Variants in CTNNA2 observed in about 807,000 individuals in gnomAD.
CTNNA2 encodes catenin alpha-2.
Under a neutral mutation model 101.0 loss-of-function variants are expected in CTNNA2, and 42 were observed. The observed-to-expected ratio is 0.42, with a 90% CI of 0.32 to 0.54. The LOEUF (loss-of-function observed/expected upper bound fraction) is 0.54, where lower values mean the gene tolerates loss of function less well. CTNNA2 is among the 20% of genes least tolerant of loss of function. The probability of loss-of-function intolerance (pLI) is 0.14; values close to 1 mark genes in which losing one functional copy is unlikely to be tolerated. For synonymous variants in CTNNA2, 450 were observed against 456.4 expected, an observed-to-expected ratio of 0.99 and a Z score of 0.18; for missense variants, 871 against 1,223.1, an observed-to-expected ratio of 0.71 and a Z score of 4.29.
At chr2:79,736,732 A>C (rs977907094) in intron 2 of CTNNA2, among the ~76,000 whole-genome samples, 7 of 152,168 alleles carry the variant, frequency 4.6e-5, no homozygotes, top group Non-Finnish European at 1.0e-4. Context: ...TAGCTGAGTA[A>C]TCGTGAAGAT....
chr2:80,135,923 C>A (rs945403748), intron 7 of CTNNA2, among the ~76,000 whole-genome samples: 4 of 152,128 alleles, frequency 2.6e-5, no homozygotes, highest in Non-Finnish European at 5.9e-5. Flanking sequence ...AACATACTCA[C>A]TGTCCATGCT....
intron 3 of CTNNA2, among the ~76,000 whole-genome samples, chr2:79,746,538 C>T (rs900194820): frequency 4.6e-5 from 7 of 152,214 alleles, no homozygotes; most frequent in Non-Finnish European, 8.8e-5. Context: ...TTGAGTTGCA[C>T]GTTGCATAAA....
intron 7 of CTNNA2, among the ~76,000 whole-genome samples, chr2:80,126,622 CCCTCCCTCCCTCCCTTCCTTCCTTCCTT>C (rs1702137729): frequency 1.8e-5 from 1 of 54,206 alleles, no homozygotes. Context: ...CTCCCTCCCT[CCCTCCCTCCCTCCCTTCCTTCCTTCCTT>C]CCTTCCTTCC....
intron 16 of CTNNA2, among the ~76,000 whole-genome samples, chr2:80,606,394 ACACACACACACACACACACCCCC>A (rs1698013104): frequency 8.3e-6 from 1 of 119,836 alleles, no homozygotes; most frequent in African/African-American, 3.5e-5. Context: ...ACACACACAC[ACACACACACACACACACACCCCC>A]CAGGATACAT....
At chr2:79,627,997 A>G (rs1387514450) in intron 1 of CTNNA2, among the ~76,000 whole-genome samples, 1 of 152,210 alleles carries the variant, frequency 6.6e-6, no homozygotes, top group African/African-American at 2.4e-5. Flanking sequence ...TTGAATATAT[A>G]TTTTTATAGT....
At chr2:79,506,953 C>A in intron 5 of CTNNA2, among the ~76,000 whole-genome samples, 1 of 152,132 alleles carries the variant, frequency 6.6e-6, no homozygotes, top group East Asian at 1.9e-4. Flanking sequence ...GTATAATAGT[C>A]ATGAATTAGA....
chr2:79,814,273 G>A (rs1677288064), intron 3 of CTNNA2, among the ~76,000 whole-genome samples: 1 of 152,100 alleles, frequency 6.6e-6, no homozygotes, highest in Non-Finnish European at 1.5e-5. Flanking sequence ...GGGTACAGGT[G>A]GTATTTGGTT....
At chr2:80,516,134 T>A (rs936196345) in intron 9 of CTNNA2, among the ~76,000 whole-genome samples, 1 of 152,104 alleles carries the variant, frequency 6.6e-6, no homozygotes, top group Non-Finnish European at 1.5e-5. Context: ...AAGCTTAACA[T>A]CTCTGGGGCA....
At chr2:79,766,650 G>A (rs1289480885) in intron 3 of CTNNA2, among the ~76,000 whole-genome samples, 3 of 151,874 alleles carry the variant, frequency 2.0e-5, no homozygotes, top group Non-Finnish European at 2.9e-5. Flanking sequence ...CCTCTTTAAG[G>A]CCATTAATTC....
chr2:80,090,099 G>C (rs530653483), intron 7 of CTNNA2, among the ~76,000 whole-genome samples: 2 of 151,724 alleles, frequency 1.3e-5, no homozygotes, highest in Non-Finnish European at 1.5e-5. Context: ...TATAGAGATG[G>C]TGGTGACCAT....
chr2:80,013,520 C>T (rs796706859), intron 7 of CTNNA2, among the ~76,000 whole-genome samples: 2 of 152,162 alleles, frequency 1.3e-5, no homozygotes, highest in Admixed American at 6.5e-5. Context: ...CTTACACTAA[C>T]CTGCTTTATC....
chr2:79,952,294 T>C (rs1300562524), intron 7 of CTNNA2, among the ~76,000 whole-genome samples: 1 of 152,064 alleles, frequency 6.6e-6, no homozygotes. Flanking sequence ...CCCCACACCG[T>C]GCCAGTCCAA....
At chr2:80,079,530 T>C (rs2148798486) in intron 7 of CTNNA2, among the ~76,000 whole-genome samples, 1 of 152,208 alleles carries the variant, frequency 6.6e-6, no homozygotes, top group East Asian at 1.9e-4. Flanking sequence ...ATCAAATGAG[T>C]CCGGCTGGGC....
intron 7 of CTNNA2, among the ~76,000 whole-genome samples, chr2:80,096,713 A>T (rs1700176517): frequency 6.6e-6 from 1 of 152,224 alleles, no homozygotes; most frequent in Non-Finnish European, 1.5e-5. Flanking sequence ...ATATATATTT[A>T]GGATAGTGAG....
chr2:79,219,537 A>G (rs1674314853), intron 2 of CTNNA2, among the ~76,000 whole-genome samples: 1 of 152,188 alleles, frequency 6.6e-6, no homozygotes, highest in Non-Finnish European at 1.5e-5. Context: ...TGTGAGGTTA[A>G]GGTCACTTTA....
chr2:80,391,915 G>C (rs1392687010), intron 7 of CTNNA2, among the ~76,000 whole-genome samples: 1 of 152,188 alleles, frequency 6.6e-6, no homozygotes, highest in African/African-American at 2.4e-5. Flanking sequence ...GGGAATGGTA[G>C]GATTTTAGAA....
intron 3 of CTNNA2, among the ~76,000 whole-genome samples, chr2:79,347,411 G>A (rs981077763): frequency 1.3e-5 from 2 of 152,092 alleles, no homozygotes; most frequent in Admixed American, 1.3e-4. Context: ...GATAATAATA[G>A]TACTTTACTT....
intron 8 of CTNNA2, among the ~76,000 whole-genome samples, chr2:80,399,747 G>A (rs1678380947): frequency 6.6e-6 from 1 of 152,164 alleles, no homozygotes; most frequent in African/African-American, 2.4e-5. Context: ...TTTTAGCAAA[G>A]AGAATAATAC....
intron 2 of CTNNA2, among the ~76,000 whole-genome samples, chr2:79,260,623 C>G (rs970160062): frequency 3.9e-5 from 6 of 152,066 alleles, no homozygotes; most frequent in African/African-American, 1.4e-4. Context: ...TTCGTTATCC[C>G]CATAGACACC....
Sources: allele counts gnomAD v4.1 joint callset (sites outside exome capture counted in the v4.1 genomes callset), GRCh38; gene constraint gnomAD v4.1.1; transcripts MANE v1.5; gene names NCBI Gene and HGNC (gene_info 2026-07-23, HGNC 2026-07-21).